The following CSMD1 variants were observed in gnomAD, a reference collection of about 807,000 sequenced individuals.
CSMD1 encodes CUB and sushi domain-containing protein 1.
Under a neutral mutation model 417.5 loss-of-function variants are expected in CSMD1, and 213 were observed. That is an observed-to-expected ratio of 0.51 (90% CI 0.46 to 0.57). CSMD1 has a LOEUF of 0.57. CSMD1 is among the 20% of genes least tolerant of loss of function. The pLI, the probability that CSMD1 is intolerant of heterozygous loss-of-function variation, is 0.00. For synonymous variants in CSMD1, 2,862 were observed against 1,736.8 expected (o/e 1.65, Z -16.11); for missense variants, 6,923 against 4,529.7 (o/e 1.53, Z -15.17).
At chr8:3,360,109 G>A (rs1025846143) in intron 20 of CSMD1, among the ~76,000 whole-genome samples, 1 of 152,158 alleles carries the variant, frequency 6.6e-6, no homozygotes, top group Non-Finnish European at 1.5e-5. Context: ...TTTGCCTCTA[G>A]AATATACCTC....
intron 7 of CSMD1, among the ~76,000 whole-genome samples, chr8:3,649,607 T>G (rs2449202): frequency 6.6e-6 from 1 of 151,882 alleles, no homozygotes; most frequent in African/African-American, 2.4e-5. Flanking sequence ...GTAGATCTTA[T>G]GAGAACTTAC....
At chr8:3,772,993 G>A (rs150515504) in intron 5 of CSMD1, among the ~76,000 whole-genome samples, 1 of 152,122 alleles carries the variant, frequency 6.6e-6, no homozygotes, top group Non-Finnish European at 1.5e-5. Context: ...GGAAGGACTG[G>A]ATTCCTGATT....
chr8:3,511,263 G>C lies in CSMD1; in HGVS notation c.1345-17537C>G, dbSNP rs1048038475. Among the ~76,000 whole-genome samples, 19 of 151,794 alleles carry C rather than the reference G, an allele frequency of 1.3e-4. 1 individual carries two copies. The highest frequency in any genetic ancestry group is 3.4e-4 in the African/African-American group (14 of 41,152). On this transcript the variant is annotated intron_variant, in intron 10 of 69. Transcript: ENST00000635120. ...GAGGCTAGGGAATGAATAGCATTAGGAGAAATACCTAATGTAGATGACAGG... is the reference window on the plus strand; with the variant it reads ...GAGGCTAGGGAATGAATAGCATTAGCAGAAATACCTAATGTAGATGACAGG...
chr8:4,907,123 G>T (rs1180955422), intron 1 of CSMD1, among the ~76,000 whole-genome samples: 1 of 152,196 alleles, frequency 6.6e-6, no homozygotes, highest in African/African-American at 2.4e-5. Context: ...CTTTCTGTGT[G>T]TGCAAGAGTT....
intron 49 of CSMD1, among the ~76,000 whole-genome samples, chr8:3,055,345 C>G (rs1423699785): frequency 4.6e-5 from 7 of 152,118 alleles, no homozygotes; most frequent in Non-Finnish European, 1.0e-4. Flanking sequence ...TGGTTTTGAA[C>G]CACAGTGTTT....
At chr8:3,968,372 C>T (rs886123398) in intron 5 of CSMD1, among the ~76,000 whole-genome samples, 3 of 152,164 alleles carry the variant, frequency 2.0e-5, no homozygotes, top group African/African-American at 7.2e-5. Flanking sequence ...ACCTGGGCAC[C>T]AGCTCAGTGT....
rs926703983 is a variant in CSMD1, at chr8:4,256,893, G to T, written c.415+163060C>A. Among the ~76,000 whole-genome samples the T allele has an allele frequency of 3.3e-5, 5 of 152,282 alleles. No homozygotes were observed. In the South Asian group the frequency reaches 6.2e-4, roughly 19 times the overall value. On this transcript the variant is annotated intron_variant, in intron 3 of 69. Transcript: ENST00000635120. The stretch of plus-strand genomic sequence containing the variant: ...GGGAGAATCGCTACTGGACGATGTG[G>T]TTCAGAATGAGTTTGCAGAATTTAT...
intron 2 of CSMD1, among the ~76,000 whole-genome samples, chr8:4,515,935 G>C (rs1803093019): frequency 6.6e-6 from 1 of 152,136 alleles, no homozygotes; most frequent in Admixed American, 6.5e-5. Flanking sequence ...TAGCCATTTA[G>C]AGCCTGCCTG....
At chr8:3,275,936 C>G (rs1206257461) in intron 26 of CSMD1, among the ~76,000 whole-genome samples, 1 of 152,214 alleles carries the variant, frequency 6.6e-6, no homozygotes, top group African/African-American at 2.4e-5. Flanking sequence ...GCTTGTCAAA[C>G]TCTTTCTCTG....
intron 10 of CSMD1, among the ~76,000 whole-genome samples, chr8:3,557,640 C>T (rs1373336176): frequency 6.6e-6 from 1 of 152,190 alleles, no homozygotes; most frequent in Non-Finnish European, 1.5e-5. Context: ...GCCCTATCTC[C>T]TGCCTTCTGC....
chr8:3,551,215 A>T (rs1798895971), intron 10 of CSMD1, among the ~76,000 whole-genome samples: 2 of 152,222 alleles, frequency 1.3e-5, no homozygotes, highest in South Asian at 2.1e-4. Flanking sequence ...ATAATTACTT[A>T]AAGTTTCTAA....
intron 23 of CSMD1, among the ~76,000 whole-genome samples, chr8:3,318,500 C>A (rs1193611274): frequency 8.5e-5 from 13 of 152,242 alleles, no homozygotes; most frequent in East Asian, 1.9e-4. Context: ...TAAAAGATAA[C>A]ATATAAAAGT....
chr8:3,730,265 A>G (rs1905026), intron 6 of CSMD1, among the ~76,000 whole-genome samples: 25,906 of 151,968 alleles, frequency 0.17, 4,196 homozygotes, highest in African/African-American at 0.42. Flanking sequence ...CCTTGAGCAC[A>G]TGGAGCCCCT....
Position 3,112,438 on chromosome 8 carries a change from G to C in CSMD1, c.6431-2103C>G, listed in dbSNP as rs1470345275. Among the ~76,000 whole-genome samples the C allele has an allele frequency of 3.3e-5, 5 of 152,140 alleles. No individual in the cohort carries two copies. In the East Asian group the frequency reaches 7.7e-4, roughly 24 times the overall value. On this transcript the variant is annotated intron_variant, in intron 42 of 69. Transcript: ENST00000635120. The stretch of plus-strand genomic sequence containing the variant: ...AAAGCCATCGTTCCCACCTCTTAAA[G>C]GGCAAAAGAAATGAGGTGGTGATTT...
chr8:3,111,450 G>A (rs1210962271), intron 42 of CSMD1, among the ~76,000 whole-genome samples: 1 of 152,138 alleles, frequency 6.6e-6, no homozygotes, highest in Non-Finnish European at 1.5e-5. Context: ...TTTGTAAGCT[G>A]GAGAAGCAAA....
chr8:3,104,092 CT>C (rs1359996979), intron 46 of CSMD1, among the ~76,000 whole-genome samples: 1 of 152,132 alleles, frequency 6.6e-6, no homozygotes, highest in Non-Finnish European at 1.5e-5. Flanking sequence ...GTATGCCTTT[CT>C]TCTCTTCTCA....
chr8:4,537,215 A>C (rs1385940351), intron 2 of CSMD1, among the ~76,000 whole-genome samples: 2 of 152,226 alleles, frequency 1.3e-5, no homozygotes, highest in Admixed American at 6.5e-5. Context: ...AATATAATTT[A>C]AAATATTTGA....
intron 49 of CSMD1, among the ~76,000 whole-genome samples, chr8:3,067,630 T>A (rs1813027442): frequency 6.7e-6 from 1 of 149,624 alleles, no homozygotes; most frequent in Admixed American, 6.7e-5. Context: ...AAATATATAA[T>A]AACATTGATC....
chr8:2,968,177 G>A (rs879579084), intron 57 of CSMD1, among the ~76,000 whole-genome samples: 5 of 152,126 alleles, frequency 3.3e-5, no homozygotes, highest in Non-Finnish European at 7.4e-5. Flanking sequence ...ATTAAGGGTT[G>A]GACTATCCAA....
Sources: gnomAD v4.1 joint callset for allele counts (sites outside exome capture counted in the v4.1 genomes callset) on GRCh38, gnomAD v4.1.1 for gene constraint, MANE v1.5 for transcripts, NCBI Gene and HGNC (gene_info 2026-07-23, HGNC 2026-07-21) for gene names.